Variants in ZNF568 observed in about 807,000 individuals in gnomAD.
The protein encoded by ZNF568 is p53 inhibitor of SCO2 activation.
ZNF568 carries 11 observed loss-of-function variants against 18.1 expected under a neutral mutation model. That is an observed-to-expected ratio of 0.61 (90% CI 0.38 to 1.00). ZNF568 has a LOEUF of 1.00. ZNF568 is among the 50% of genes least tolerant of loss of function. ZNF568 has a pLI of 0.01. For missense variants in ZNF568, 639 were observed against 768.2 expected (o/e 0.83, Z 1.99); for synonymous variants, 213 against 246.6 (o/e 0.86, Z 1.28).
downstream of ZNF568, chr19:36,997,242 C>G (rs1257406082): frequency 6.2e-7 from 1 of 1,607,582 alleles, no homozygotes; most frequent in East Asian, 2.2e-5. Context: ...AAGCCTTTAT[C>G]TCTGATTCAC....
chr19:36,956,212 C>T (rs981611893), downstream of ZNF568, among the ~76,000 whole-genome samples: 1 of 152,216 alleles, frequency 6.6e-6, no homozygotes, highest in African/African-American at 2.4e-5. Context: ...GACTGAGGCA[C>T]TTGTGCTGCC....
intron 6 of ZNF568, among the ~76,000 whole-genome samples, chr19:36,960,817 T>TTATTGGTATAGTTTCCAAAG (rs2074143281): frequency 6.6e-6 from 1 of 152,182 alleles, no homozygotes; most frequent in Non-Finnish European, 1.5e-5. Flanking sequence ...TAATTTCCAT[T>TTATTGGTATAGTTTCCAAAG]TATTGGTATA....
intron 6 of ZNF568, among the ~76,000 whole-genome samples, chr19:36,942,706 G>A (rs2073903977): frequency 6.6e-6 from 1 of 150,892 alleles, no homozygotes; most frequent in African/African-American, 2.4e-5. Context: ...TGTTTACTCT[G>A]TTTCTCTCTT....
At chr19:36,928,947 A>G (rs985873425) in intron 4 of ZNF568, among the ~76,000 whole-genome samples, 4 of 152,182 alleles carry the variant, frequency 2.6e-5, no homozygotes, top group African/African-American at 7.2e-5. Context: ...CAGAATCTCA[A>G]TAACAATTCT....
At chr19:36,995,161 G>A (rs1013619130) in intron 4 of ZNF568, among the ~76,000 whole-genome samples, 4 of 152,034 alleles carry the variant, frequency 2.6e-5, no homozygotes, top group Non-Finnish European at 1.5e-5. Flanking sequence ...ACTTTGGAAG[G>A]CCGAGGTGGG....
At chr19:36,968,920 A>G (rs1485774090) in intron 6 of ZNF568, among the ~76,000 whole-genome samples, 1 of 151,888 alleles carries the variant, frequency 6.6e-6, no homozygotes, top group African/African-American at 2.4e-5. Context: ...CAGTGGCACA[A>G]TCTCAGCTCA....
At chr19:36,968,260 T>C (rs934648090) in intron 6 of ZNF568, among the ~76,000 whole-genome samples, 3 of 152,070 alleles carry the variant, frequency 2.0e-5, no homozygotes, top group Admixed American at 2.0e-4. Context: ...TACATGAAAA[T>C]GTAACATATA....
intron 6 of ZNF568, among the ~76,000 whole-genome samples, chr19:36,948,664 T>TTTTTTTTTTA: frequency 1.5e-5 from 1 of 66,418 alleles, no homozygotes; most frequent in Non-Finnish European, 3.4e-5. Flanking sequence ...GTTGATTTTT[T>TTTTTTTTTTA]TTTTTTTTTT....
At chr19:36,967,140 A>G (rs1251681455) in intron 6 of ZNF568, among the ~76,000 whole-genome samples, 1 of 152,234 alleles carries the variant, frequency 6.6e-6, no homozygotes, top group African/African-American at 2.4e-5. Flanking sequence ...CCCTTGGGAA[A>G]GACCTCCTTC....
chr19:36,960,370 G>A (rs531782979), intron 6 of ZNF568, among the ~76,000 whole-genome samples: 70 of 151,786 alleles, frequency 4.6e-4, no homozygotes, highest in South Asian at 1.0e-3. Context: ...CACCCGCCTC[G>A]GCCTCCCAAA....
In ZNF568 at chr19:36,951,963, G is replaced by A; in HGVS notation, c.*875G>A. On this transcript the variant is annotated 3_prime_UTR_variant, in exon 7 of 7. Transcript: ENST00000333987. The stretch of plus-strand genomic sequence containing the variant: ...TAACATTCTAAAGGATTTAAATACT[G>A]GAATTTGAAAAGCCAAACTGTGAAA... The A allele has an allele frequency of 1.0e-6, 1 of 980,644 alleles. No homozygotes were observed. The highest frequency in any genetic ancestry group is 1.2e-6 in the Non-Finnish European group (1 of 828,938). 60.7% of individuals were successfully genotyped at this position (980,644 alleles called of 1,614,324 possible).
downstream of ZNF568, among the ~76,000 whole-genome samples, chr19:36,983,810 C>T (rs2074351381): frequency 6.7e-6 from 1 of 150,028 alleles, no homozygotes; most frequent in Admixed American, 6.6e-5. Context: ...TGTCATCTTT[C>T]TGAATATTTA....
intron 1 of ZNF568, among the ~76,000 whole-genome samples, chr19:36,917,270 CT>C (rs2073358008): frequency 6.6e-6 from 1 of 152,196 alleles, no homozygotes; most frequent in Non-Finnish European, 1.5e-5. Context: ...GCATGCTCTG[CT>C]CCTGATGGGT....
intron 7 of ZNF568, among the ~76,000 whole-genome samples, chr19:36,976,803 G>A (rs144992843): frequency 0.014 from 2,088 of 152,194 alleles, 59 homozygotes; most frequent in African/African-American, 0.048. Flanking sequence ...CCAGCTACTC[G>A]GGAGGCTGAG....
chr19:36,933,903 TTTTTTTTGTTTTGTTTTTTTG>T (rs1237264245), intron 4 of ZNF568, among the ~76,000 whole-genome samples: 8,639 of 52,866 alleles, frequency 0.16, 870 homozygotes, highest in African/African-American at 0.33. Flanking sequence ...GGGTAGGTTT[TTTTTTTTGTTTTGTTTTTTTG>T]TTTTTTTTTT....
chr19:36,935,329 A>C (rs1019587428), intron 4 of ZNF568, among the ~76,000 whole-genome samples: 1 of 152,076 alleles, frequency 6.6e-6, no homozygotes, highest in African/African-American at 2.4e-5. Flanking sequence ...TGGGAGGCTG[A>C]GGCGGGTGGA....
At chr19:36,981,103 A>G (rs750622324), downstream of ZNF568, among the ~76,000 whole-genome samples, 2 of 152,172 alleles carry the variant, frequency 1.3e-5, no homozygotes, top group Non-Finnish European at 2.9e-5. Context: ...CCTCCTTTCT[A>G]TGTACTTCAG....
At chr19:36,974,351 T>C in intron 6 of ZNF568, 1 of 1,391,658 alleles carries the variant, frequency 7.2e-7, no homozygotes, top group South Asian at 1.2e-5. Flanking sequence ...GGCAGGAGTT[T>C]GGCCTCCCAA....
chr19:36,996,889 T>G, exon 5 of ZNF568: 2 of 1,537,416 alleles, frequency 1.3e-6, no homozygotes, highest in South Asian at 1.2e-5. Context: ...GTGTAGGGAG[T>G]GTGGGAAAGC....
Sources: gnomAD v4.1 joint callset for allele counts (sites outside exome capture counted in the v4.1 genomes callset) on GRCh38, gnomAD v4.1.1 for gene constraint, MANE v1.5 for transcripts, NCBI Gene and HGNC (gene_info 2026-07-23, HGNC 2026-07-21) for gene names.